The following ALDH1A2 variants were observed in gnomAD, a reference collection of about 807,000 sequenced individuals.
ALDH1A2 encodes aldehyde dehydrogenase 1 family member A2, also known as retinal dehydrogenase 2.
Under a neutral mutation model 60.3 loss-of-function variants are expected in ALDH1A2, and 27 were observed. The ratio of observed to expected loss-of-function variants is 0.45; its 90% CI spans 0.33 to 0.62. The LOEUF is 0.62. Among genes scored for constraint, ALDH1A2 ranks in the 20% least tolerant of loss-of-function variants. ALDH1A2 has a pLI of 0.02. For missense variants in ALDH1A2, 581 were observed against 643.8 expected (o/e 0.90, Z 1.06); for synonymous variants, 289 against 232.4 (o/e 1.24, Z -2.21).
chr15:58,000,739 G>A (rs1197993256), intron 4 of ALDH1A2, among the ~76,000 whole-genome samples: 1 of 151,854 alleles, frequency 6.6e-6, no homozygotes, highest in Admixed American at 6.6e-5. Flanking sequence ...AGCAACTGGA[G>A]ATCTCGTGAA....
chr15:57,965,043 G>A (rs1893848517), intron 8 of ALDH1A2, among the ~76,000 whole-genome samples: 1 of 152,008 alleles, frequency 6.6e-6, no homozygotes, highest in African/African-American at 2.4e-5. Context: ...TGAATGAGAT[G>A]GTGGGATTTC....
At chr15:58,002,800 G>A (rs1338906275) in intron 4 of ALDH1A2, among the ~76,000 whole-genome samples, 1 of 151,906 alleles carries the variant, frequency 6.6e-6, no homozygotes, top group Non-Finnish European at 1.5e-5. Context: ...CTTTCAAGGA[G>A]CTGGCAATTC....
At chr15:57,989,669 T>C (rs1449755265) in intron 7 of ALDH1A2, among the ~76,000 whole-genome samples, 4 of 151,654 alleles carry the variant, frequency 2.6e-5, no homozygotes, top group Non-Finnish European at 5.9e-5. Flanking sequence ...TATATGGAAA[T>C]GCATCATGTA....
At chr15:58,001,824 T>C (rs2218261) in intron 4 of ALDH1A2, among the ~76,000 whole-genome samples, 136,782 of 151,842 alleles carry the variant, frequency 0.9, 62,498 homozygotes, top group East Asian at 1. Flanking sequence ...TTACAGAGAG[T>C]GCTCAGACTT....
At chr15:57,977,108 T>C (rs1894285654) in intron 7 of ALDH1A2, among the ~76,000 whole-genome samples, 1 of 152,138 alleles carries the variant, frequency 6.6e-6, no homozygotes, top group South Asian at 2.1e-4. Flanking sequence ...TTTTTTTTTT[T>C]TCTTGTAAAC....
chr15:58,049,223 A>T (rs754439823), intron 1 of ALDH1A2, among the ~76,000 whole-genome samples: 36 of 152,072 alleles, frequency 2.4e-4, no homozygotes, highest in Non-Finnish European at 4.4e-4. Flanking sequence ...AAATTTGATG[A>T]AGGTGTCCTA....
chr15:57,968,459 C>T (rs34170468), intron 7 of ALDH1A2, among the ~76,000 whole-genome samples: 2,028 of 152,288 alleles, frequency 0.013, 53 homozygotes, highest in African/African-American at 0.046. Flanking sequence ...CTCCTTCTCC[C>T]TTCCTTCCTC....
intron 8 of ALDH1A2, chr15:57,964,327 C>G (rs1385443457): frequency 2.1e-6 from 1 of 486,962 alleles, no homozygotes; most frequent in Non-Finnish European, 3.8e-6. Context: ...ACAGGAGTCT[C>G]AAACCCCTAT....
intron 1 of ALDH1A2, among the ~76,000 whole-genome samples, chr15:58,053,788 A>C (rs1324386106): frequency 6.6e-6 from 1 of 152,182 alleles, no homozygotes; most frequent in Non-Finnish European, 1.5e-5. Context: ...CACATCACTA[A>C]ATAGCTACAA....
At chr15:57,974,764 G>A (rs1408729260) in intron 7 of ALDH1A2, among the ~76,000 whole-genome samples, 1 of 152,174 alleles carries the variant, frequency 6.6e-6, no homozygotes, top group Admixed American at 6.5e-5. Context: ...AAAAGAAAAT[G>A]TTAATAAACT....
At chr15:58,054,596 T>A (rs1409720313) in intron 1 of ALDH1A2, among the ~76,000 whole-genome samples, 3 of 152,072 alleles carry the variant, frequency 2.0e-5, no homozygotes, top group African/African-American at 7.2e-5. Context: ...CTGGCAAGCA[T>A]CTCTCTCACA....
intron 1 of ALDH1A2, among the ~76,000 whole-genome samples, chr15:58,051,141 C>G (rs577586044): frequency 1.3e-5 from 2 of 152,052 alleles, no homozygotes; most frequent in African/African-American, 4.8e-5. Context: ...AGCAAATAAT[C>G]GTATTTAAAG....
intron 1 of ALDH1A2, among the ~76,000 whole-genome samples, chr15:58,025,660 C>T (rs867353238): frequency 9.2e-5 from 14 of 152,078 alleles, no homozygotes; most frequent in African/African-American, 3.1e-4. Flanking sequence ...TTTGTATTGC[C>T]GTAAAGGAAT....
At chr15:58,051,829 A>C (rs1266733283) in intron 1 of ALDH1A2, among the ~76,000 whole-genome samples, 1 of 152,094 alleles carries the variant, frequency 6.6e-6, no homozygotes, top group East Asian at 1.9e-4. Flanking sequence ...TCTCTATTAG[A>C]CTCAAGTGAA....
chr15:58,055,613 A>G (rs1896876178), intron 1 of ALDH1A2, among the ~76,000 whole-genome samples: 1 of 152,082 alleles, frequency 6.6e-6, no homozygotes, highest in South Asian at 2.1e-4. Context: ...GTTATATGTA[A>G]GTATATACAC....
chr15:58,026,545 G>C (rs1481845711), intron 1 of ALDH1A2, among the ~76,000 whole-genome samples: 4 of 152,174 alleles, frequency 2.6e-5, no homozygotes, highest in African/African-American at 9.7e-5. Context: ...CACAGAGGGT[G>C]AGCCAACGCA....
At chr15:58,039,052 G>C (rs1896448355) in intron 1 of ALDH1A2, among the ~76,000 whole-genome samples, 1 of 151,632 alleles carries the variant, frequency 6.6e-6, no homozygotes, top group Non-Finnish European at 1.5e-5. Flanking sequence ...CCCACCCCTT[G>C]AATTCTTTTG....
At chr15:58,041,972 T>C (rs1260069291) in intron 1 of ALDH1A2, among the ~76,000 whole-genome samples, 2 of 151,908 alleles carry the variant, frequency 1.3e-5, no homozygotes, top group Non-Finnish European at 2.9e-5. Context: ...TATCTTACCA[T>C]ACTGTACTCA....
intron 7 of ALDH1A2, among the ~76,000 whole-genome samples, chr15:57,968,666 A>G (rs575115314): frequency 2.0e-5 from 3 of 152,356 alleles, no homozygotes; most frequent in African/African-American, 7.2e-5. Context: ...TATATTCAAG[A>G]AACAAGCAAA....
Sources: gnomAD v4.1 joint callset for allele counts (sites outside exome capture counted in the v4.1 genomes callset) on GRCh38, gnomAD v4.1.1 for gene constraint, MANE v1.5 for transcripts, NCBI Gene and HGNC (gene_info 2026-07-23, HGNC 2026-07-21) for gene names.